Variants in PTPRE observed in about 807,000 individuals in gnomAD.
PTPRE encodes receptor-type tyrosine-protein phosphatase epsilon.
Under a neutral mutation model 102.0 loss-of-function variants are expected in PTPRE, and 51 were observed. The ratio of observed to expected loss-of-function variants is 0.50; its 90% CI spans 0.40 to 0.63. The LOEUF (loss-of-function observed/expected upper bound fraction) is 0.63. PTPRE is among the 30% of genes least tolerant of loss of function. PTPRE has a pLI of 0.00. For missense variants in PTPRE, 752 were observed against 915.1 expected (o/e 0.82, Z 2.30); for synonymous variants, 345 against 348.2 (o/e 0.99, Z 0.10).
At chr10:127,954,585 T>C (rs1189306494) in intron 1 of PTPRE, among the ~76,000 whole-genome samples, 1 of 152,178 alleles carries the variant, frequency 6.6e-6, no homozygotes, top group African/African-American at 2.4e-5. Context: ...AGTCTTACCA[T>C]GTTCTTCATC....
intron 1 of PTPRE, 149 bp from the exon 2 acceptor site, chr10:127,982,125 C>A: frequency 2.8e-6 from 1 of 352,974 alleles, no homozygotes; most frequent in African/African-American, 2.2e-5. Context: ...AAAGAAGTAT[C>A]ATCTAGATAA....
intron 2 of PTPRE, among the ~76,000 whole-genome samples, chr10:128,007,910 A>C (rs1385736761): frequency 2.0e-5 from 3 of 152,196 alleles, no homozygotes; most frequent in African/African-American, 7.2e-5. Context: ...TGTCTCTGAA[A>C]TAAGAGGGCA....
chr10:128,082,861 A>G lies in PTPRE; in HGVS notation c.2058A>G (p.Val686=). 6 of 1,555,724 alleles carry G rather than the reference A, an allele frequency of 3.9e-6. No individual in the cohort carries two copies. Among genetic ancestry groups the G allele is most frequent in the Non-Finnish European group, 5.2e-6 (6 of 1,160,650 alleles). The change falls in exon 21 of 21, where the codon GTA becomes GTG. Residue 686 remains valine (V), a synonymous_variant. Coordinates refer to ENST00000254667, the MANE Select transcript of PTPRE (RefSeq NM_006504.6). ...AGTATGAATTCTGCTACAAAGTGGT[A>G]CAAGATTTTATTGATATATTTTCTG... ...LEQYEFCYKV[V]QDFIDIFSDY... is the part of the protein sequence containing the mutation.
chr10:128,080,820 C>T (rs959922782), intron 20 of PTPRE, among the ~76,000 whole-genome samples: 4 of 152,170 alleles, frequency 2.6e-5, no homozygotes, highest in African/African-American at 9.7e-5. Flanking sequence ...ATGCCTGGCC[C>T]GTGGCGAGGG....
Position 128,049,530 on chromosome 10 carries a change from A to G in PTPRE, c.284A>G (p.Glu95Gly), listed in dbSNP as rs1210046658. Residue 95 changes from glutamate (E) to glycine (G), a missense_variant and splice_region_variant, in exon 6 of 21, where the codon GAG becomes GGG. Around this residue, in one of 2 missense-constraint regions of PTPRE, gnomAD observed 636 missense variants for 824.4 expected, o/e 0.77. Coordinates refer to ENST00000254667, the MANE Select transcript of PTPRE (RefSeq NM_006504.6). Reference protein sequence around the residue: ...KMPNGILEEQEQQRVMLLSRS... With the variant: ...KMPNGILEEQGQQRVMLLSRS... Reference sequence around the variant, plus strand: ...CCCCATGTTTCTTTTGATCCCACAGAGCAGCAAAGGGTGATGCTGCTCAGC... The same window carrying G: ...CCCCATGTTTCTTTTGATCCCACAGGGCAGCAAAGGGTGATGCTGCTCAGC... 6.2e-7 allele frequency: 1 copy of G among 1,613,740 alleles called. No individual in the cohort carries two copies. The highest frequency in any genetic ancestry group is 8.5e-7 in the Non-Finnish European group (1 of 1,180,006).
intron 1 of PTPRE, among the ~76,000 whole-genome samples, chr10:127,921,350 A>G (rs1024335786): frequency 2.0e-5 from 3 of 152,168 alleles, no homozygotes; most frequent in African/African-American, 7.2e-5. Context: ...AGGGATTGAG[A>G]CCAATAATCC....
chr10:127,993,768 G>GGT (rs142298818), intron 2 of PTPRE, among the ~76,000 whole-genome samples: 60,858 of 150,526 alleles, frequency 0.4, 12,374 homozygotes, highest in South Asian at 0.44. Context: ...CTTTCATAGT[G>GGT]GTGTGTGTGT....
intron 1 of PTPRE, among the ~76,000 whole-genome samples, chr10:127,937,592 C>T (rs1184517602): frequency 1.3e-5 from 2 of 152,166 alleles, no homozygotes; most frequent in East Asian, 1.9e-4. Context: ...GGCGTGGTGG[C>T]TCATGCCTGT....
At chr10:127,981,981 G>C (rs1373530282) in intron 1 of PTPRE, among the ~76,000 whole-genome samples, 2 of 152,120 alleles carry the variant, frequency 1.3e-5, no homozygotes, top group African/African-American at 4.8e-5. Flanking sequence ...AACCCTATAG[G>C]CCACAGCAGA....
chr10:127,947,123 G>A (rs1176712271), intron 1 of PTPRE, among the ~76,000 whole-genome samples: 3 of 151,766 alleles, frequency 2.0e-5, no homozygotes, highest in African/African-American at 4.9e-5. Flanking sequence ...GGACAGCCAC[G>A]AAAATGTGAT....
In PTPRE at chr10:128,047,476, G is replaced by A. The variant is rs764161079; in HGVS notation, c.196G>A (p.Ala66Thr). 2.3e-5 allele frequency: 37 copies of A among 1,613,216 alleles called. No homozygotes were observed. The highest frequency in any genetic ancestry group is 2.0e-4 in the South Asian group (18 of 91,066). Residue 66 changes from alanine (A) to threonine (T), a missense_variant, in exon 4 of 21, where the codon GCC becomes ACC. Physicochemically the swap from Ala to Thr is moderately conservative, Grantham distance 58 (BLOSUM62 0). Transcript: ENST00000254667. ...LLLLLVLLLA[A>T]YFFRFRKQRK... ...CCTCCTCCTCGTGCTCCTTCTCGCCGCCTACTTCTTCAGGTAGGAGTGTCC... is the reference window on the plus strand; with the variant it reads ...CCTCCTCCTCGTGCTCCTTCTCGCCACCTACTTCTTCAGGTAGGAGTGTCC...
chr10:128,037,576 C>G (rs1159104031), intron 2 of PTPRE, among the ~76,000 whole-genome samples: 1 of 151,956 alleles, frequency 6.6e-6, no homozygotes, highest in Non-Finnish European at 1.5e-5. Flanking sequence ...AAGAACTTGC[C>G]CAGTGAAGAA....
intron 2 of PTPRE, among the ~76,000 whole-genome samples, chr10:127,990,218 C>T (rs1852491186): frequency 6.6e-6 from 1 of 151,768 alleles, no homozygotes; most frequent in Admixed American, 6.6e-5. Context: ...TTGAGAGCAG[C>T]CTGGCCAGTA....
At chr10:128,047,721 G>T (rs1848218869) in intron 4 of PTPRE, 43 bp from the exon 5 acceptor site, 3 of 1,613,566 alleles carry the variant, frequency 1.9e-6, no homozygotes, top group Admixed American at 1.7e-5. Flanking sequence ...GGCTCTCGGG[G>T]AACCTAGAAG....
chr10:128,069,737 G>C lies in PTPRE; in HGVS notation c.1053G>C (p.Met351Ile), dbSNP rs41282868. 17 of 1,614,218 alleles carry C rather than the reference G, an allele frequency of 1.1e-5. 1 individual carries two copies. In the Admixed American group the frequency reaches 2.3e-4, roughly 22 times the overall value. Residue 351 changes from methionine to isoleucine, a missense_variant, in exon 13 of 21, where the codon ATG (methionine) becomes ATC (isoleucine). This residue lies in a region of PTPRE where 636 missense variants were observed against 824.4 expected (regional missense o/e 0.77). Transcript: ENST00000254667. ...RTGTFIVIDA[M>I]MAMMHAEQKV... Reference sequence around the variant, plus strand: ...GCACCTTCATTGTGATCGATGCCATGATGGCCATGATGCACGCGGAGCAGA... The same window carrying C: ...GCACCTTCATTGTGATCGATGCCATCATGGCCATGATGCACGCGGAGCAGA...
intron 2 of PTPRE, among the ~76,000 whole-genome samples, chr10:128,004,792 T>C (rs1854349604): frequency 6.6e-6 from 1 of 152,250 alleles, no homozygotes; most frequent in South Asian, 2.1e-4. Flanking sequence ...ATTTTATGGT[T>C]AAATTTTGAG....
Position 128,073,420 on chromosome 10 carries a change from A to G in PTPRE, c.1548A>G (p.Glu516=). The change falls in exon 17 of 21, where the codon GAA becomes GAG. Residue 516 remains glutamate (E), a synonymous_variant. Coordinates refer to ENST00000254667, the MANE Select transcript of PTPRE (RefSeq NM_006504.6). ...TVEDFWRMIW[E]WKSHTIVMLT... The stretch of plus-strand genomic sequence containing the variant: ...AGGACTTCTGGAGGATGATCTGGGA[A>G]TGGAAATCCCACACTATCGTGATGC... 1 of 1,614,224 alleles carries G rather than the reference A, an allele frequency of 6.2e-7. No homozygotes were observed. The highest frequency in any genetic ancestry group is 1.3e-5 in the African/African-American group (1 of 75,058).
chr10:127,980,424 G>A (rs1851518081), intron 1 of PTPRE, among the ~76,000 whole-genome samples: 1 of 151,098 alleles, frequency 6.6e-6, no homozygotes, highest in Admixed American at 6.6e-5. Flanking sequence ...AATCCTTTGG[G>A]ATTTTCTACA....
chr10:127,924,707 T>C (rs896546425), intron 1 of PTPRE, among the ~76,000 whole-genome samples: 3 of 152,254 alleles, frequency 2.0e-5, no homozygotes, highest in African/African-American at 7.2e-5. Context: ...CAGTTTAATG[T>C]TCAATAAGGT....
Sources: allele counts gnomAD v4.1 joint callset (sites outside exome capture counted in the v4.1 genomes callset), GRCh38; gene constraint gnomAD v4.1.1; regional missense constraint gnomAD v4.1.1; transcripts MANE v1.5; gene names NCBI Gene and HGNC (gene_info 2026-07-23, HGNC 2026-07-21).